The following CDH10 variants were observed in gnomAD, a reference collection of about 807,000 sequenced individuals.
The protein encoded by CDH10 is cadherin 10.
A neutral mutation model predicts 73.1 loss-of-function variants in CDH10; 30 were observed. The observed-to-expected ratio is 0.41, with a 90% confidence interval of 0.31 to 0.56. The LOEUF (loss-of-function observed/expected upper bound fraction) is 0.56, where lower values mean the gene tolerates loss of function less well. Ranked by LOEUF, CDH10 falls within the 20% of genes least tolerant of loss-of-function variation. CDH10 has a pLI of 0.27. For synonymous variants in CDH10, 345 were observed against 348.2 expected, an observed-to-expected ratio of 0.99 and a Z score of 0.10; for missense variants, 815 against 973.7, an observed-to-expected ratio of 0.84 and a Z score of 2.17.
At chr5:24,503,722 A>G (rs1376507657) in intron 8 of CDH10, among the ~76,000 whole-genome samples, 1 of 152,172 alleles carries the variant, frequency 6.6e-6, no homozygotes, top group Non-Finnish European at 1.5e-5. Flanking sequence ...ATAACTTTGG[A>G]CAAGTTACTA....
chr5:24,495,649 C>T (rs576408838), intron 9 of CDH10, among the ~76,000 whole-genome samples: 1 of 152,076 alleles, frequency 6.6e-6, no homozygotes, highest in South Asian at 2.1e-4. Flanking sequence ...GAAATCGAGA[C>T]CATCCTGGCC....
chr5:24,599,421 A>G (rs2112110067), intron 1 of CDH10, among the ~76,000 whole-genome samples: 1 of 152,244 alleles, frequency 6.6e-6, no homozygotes, highest in Admixed American at 6.5e-5. Flanking sequence ...ACATCAAGAA[A>G]AAGAGCCACA....
chr5:24,564,978 GC>G (rs1348616500), intron 2 of CDH10, among the ~76,000 whole-genome samples: 1 of 152,050 alleles, frequency 6.6e-6, no homozygotes, highest in African/African-American at 2.4e-5. Flanking sequence ...GACTCTGAAT[GC>G]CCTCACCAGT....
At chr5:24,543,484 A>C (rs1744229272) in intron 2 of CDH10, among the ~76,000 whole-genome samples, 1 of 152,168 alleles carries the variant, frequency 6.6e-6, no homozygotes, top group African/African-American at 2.4e-5. Context: ...ATTATTAAAT[A>C]GATTTTTCAA....
rs1440425038 is a variant in CDH10 at position 24,644,402 on chromosome 5, AAGC to A, written c.-124+189_-124+191del. Reference sequence around the variant, plus strand: ...TTTACATTGCCTATATAGATATTCGAAGCAGTTGTTTCTAGAATTAAATATATA... The same window carrying A: ...TTTACATTGCCTATATAGATATTCGAAGTTGTTTCTAGAATTAAATATATA... On this transcript the variant is annotated intron_variant, in intron 1 of 11. Transcript: ENST00000264463. Among the ~76,000 whole-genome samples the A allele has an allele frequency of 4.6e-5, 7 of 152,292 alleles. No homozygotes were observed. In the South Asian group the frequency reaches 1.2e-3, roughly 27 times the overall value.
chr5:24,572,488 A>T (rs1745421619), intron 2 of CDH10, among the ~76,000 whole-genome samples: 2 of 152,090 alleles, frequency 1.3e-5, no homozygotes, highest in Non-Finnish European at 2.9e-5. Flanking sequence ...TAAAAAAGGA[A>T]AAGCTGACAG....
chr5:24,553,063 T>C (rs576991156), intron 2 of CDH10, among the ~76,000 whole-genome samples: 2 of 152,310 alleles, frequency 1.3e-5, no homozygotes, highest in South Asian at 4.1e-4. Flanking sequence ...GTACATGGAC[T>C]CTCTTGTTGG....
Position 24,541,774 on chromosome 5 carries a change from T to C in CDH10, c.232-4100A>G, listed in dbSNP as rs189750110. On this transcript the variant is annotated intron_variant, in intron 2 of 11. Coordinates refer to ENST00000264463, the MANE Select transcript of CDH10 (RefSeq NM_006727.5). ...GAATTTTATGTTAATACTGACCTTT[T>C]CTTTCCTTGAGAAAAGCCTATTAAA... 5.5e-3 allele frequency among the ~76,000 whole-genome samples: 841 copies of C among 152,220 alleles called. 7 individuals carry two copies. The highest frequency in any genetic ancestry group is 0.02 in the African/African-American group (813 of 41,560).
intron 1 of CDH10, among the ~76,000 whole-genome samples, chr5:24,595,080 T>C (rs1045954861): frequency 6.6e-6 from 1 of 151,856 alleles, no homozygotes; most frequent in Non-Finnish European, 1.5e-5. Context: ...TCTTCACTTA[T>C]AATATTGTGA....
chr5:24,531,487 C>T (rs7719372), intron 5 of CDH10, among the ~76,000 whole-genome samples: 3,138 of 152,122 alleles, frequency 0.021, 107 homozygotes, highest in African/African-American at 0.072. Context: ...AAAGGAAAGA[C>T]GTTTAATTGA....
intron 7 of CDH10, among the ~76,000 whole-genome samples, chr5:24,505,622 T>C (rs1742671722): frequency 6.6e-6 from 1 of 152,192 alleles, no homozygotes; most frequent in African/African-American, 2.4e-5. Context: ...TACAAAGATT[T>C]ATTGCAAAAG....
At chr5:24,595,867 A>G (rs578262074) in intron 1 of CDH10, among the ~76,000 whole-genome samples, 82 of 152,056 alleles carry the variant, frequency 5.4e-4, no homozygotes, top group Non-Finnish European at 9.3e-4. Flanking sequence ...GGAAAAGAGT[A>G]GGTGGGGACT....
intron 3 of CDH10, 141 bp from the exon 4 acceptor site, chr5:24,535,963 T>C (rs1057198240): frequency 6.0e-6 from 3 of 499,468 alleles, no homozygotes; most frequent in Non-Finnish European, 1.1e-5. Context: ...TGGATGAATA[T>C]GTAGATATAT....
chr5:24,567,054 T>C lies in CDH10; in HGVS notation c.231+26206A>G, dbSNP rs137924624. On this transcript the variant is annotated intron_variant, in intron 2 of 11. Coordinates refer to ENST00000264463, the MANE Select transcript of CDH10 (RefSeq NM_006727.5). Reference sequence around the variant, plus strand: ...CAGAAACATCTTGAATAAACTGATATATACAAATAGCCATTAAGCCATTTT... The same window carrying C: ...CAGAAACATCTTGAATAAACTGATACATACAAATAGCCATTAAGCCATTTT... Among the ~76,000 whole-genome samples, 536 of 152,206 alleles carry C rather than the reference T, an allele frequency of 3.5e-3. 3 individuals are homozygous for C. The highest frequency in any genetic ancestry group is 0.012 in the African/African-American group (486 of 41,560).
chr5:24,520,317 G>A lies in CDH10; in HGVS notation c.815-8803C>T, dbSNP rs888877391. Among the ~76,000 whole-genome samples, 54 of 152,066 alleles carry A rather than the reference G, an allele frequency of 3.6e-4. 2 individuals carry two copies. Among genetic ancestry groups the A allele is most frequent in the Admixed American group, 2.0e-3 (31 of 15,256 alleles). Reference sequence around the variant, plus strand: ...CAAAAAATGTGAGCTATACTTATATGGAAAAATATGGGTAAATCTTGGGAA... The same window carrying A: ...CAAAAAATGTGAGCTATACTTATATAGAAAAATATGGGTAAATCTTGGGAA... On this transcript the variant is annotated intron_variant, in intron 5 of 11. Transcript: ENST00000264463.
chr5:24,537,810 A>G, intron 2 of CDH10, 136 bp from the exon 3 acceptor site: 1 of 591,914 alleles, frequency 1.7e-6, no homozygotes, highest in South Asian at 2.1e-5. Flanking sequence ...TGAGAGCTGA[A>G]TAAGTTTGAT....
At chr5:24,636,653 C>A (rs1003928996) in intron 1 of CDH10, among the ~76,000 whole-genome samples, 1 of 151,782 alleles carries the variant, frequency 6.6e-6, no homozygotes, top group African/African-American at 2.4e-5. Context: ...TGCACATGTA[C>A]CCCTGAACCT....
At chr5:24,639,937 T>C (rs1184371653) in intron 1 of CDH10, among the ~76,000 whole-genome samples, 1 of 151,824 alleles carries the variant, frequency 6.6e-6, no homozygotes, top group African/African-American at 2.4e-5. Flanking sequence ...TTCCCACACT[T>C]GGCTTGCTAG....
intron 9 of CDH10, among the ~76,000 whole-genome samples, chr5:24,495,109 A>G (rs1742221032): frequency 6.6e-6 from 1 of 152,192 alleles, no homozygotes; most frequent in Non-Finnish European, 1.5e-5. Context: ...GGTAACAGAT[A>G]TCAGAACTTG....
Sources: gnomAD v4.1 joint callset for allele counts (sites outside exome capture counted in the v4.1 genomes callset) on GRCh38, gnomAD v4.1.1 for gene constraint, MANE v1.5 for transcripts, NCBI Gene and HGNC (gene_info 2026-07-23, HGNC 2026-07-21) for gene names.